Variants in EPHA6 observed in about 807,000 individuals in gnomAD.
EPHA6 encodes the protein EPH receptor A6, also known as ephrin type-A receptor 6.
In EPHA6, 50 loss-of-function variants were observed where a neutral mutation model predicts 112.0. The observed-to-expected ratio is 0.45, with a 90% CI of 0.36 to 0.56. The LOEUF (loss-of-function observed/expected upper bound fraction) is 0.56, where lower values mean the gene tolerates loss of function less well. EPHA6 is among the 20% of genes least tolerant of loss of function. EPHA6 has a pLI of 0.00. For missense variants in EPHA6, 1,280 were observed against 1,417.4 expected (o/e 0.90, Z 1.56); for synonymous variants, 529 against 490.7 (o/e 1.08, Z -1.03).
chr3:97,728,118 A>G (rs975355806), intron 15 of EPHA6, among the ~76,000 whole-genome samples: 20 of 152,102 alleles, frequency 1.3e-4, no homozygotes, highest in African/African-American at 3.9e-4. Context: ...CTTTACAAAG[A>G]GAGCATTTTC....
At chr3:97,531,515 A>G (rs2107646920) in intron 10 of EPHA6, among the ~76,000 whole-genome samples, 1 of 152,126 alleles carries the variant, frequency 6.6e-6, no homozygotes, top group African/African-American at 2.4e-5. Flanking sequence ...AAGGTCTAGC[A>G]TAAGTTTCAT....
chr3:97,326,901 C>G (rs2082455476), intron 5 of EPHA6, among the ~76,000 whole-genome samples: 1 of 152,068 alleles, frequency 6.6e-6, no homozygotes, highest in South Asian at 2.1e-4. Context: ...CACTGATGCT[C>G]CTGAGCACAA....
chr3:97,440,712 ATAAAT>A (rs1329606660), intron 6 of EPHA6, among the ~76,000 whole-genome samples: 5 of 151,722 alleles, frequency 3.3e-5, no homozygotes, highest in Admixed American at 3.3e-4. Flanking sequence ...ATGCAGAAAA[ATAAAT>A]TAGAAGGAAT....
chr3:97,588,848 G>T lies in EPHA6; in HGVS notation c.2387-3764G>T, dbSNP rs78223823. Among the ~76,000 whole-genome samples, 109 of 152,182 alleles carry T rather than the reference G, an allele frequency of 7.2e-4. 1 individual carries two copies. The East Asian group carries it at 0.016, about 22-fold the overall frequency. ...GACAATTTGCCTTCAGAGCTGATTT[G>T]TTAAGCACATGTGAAAATTTCTTTC... is the stretch of plus-strand genomic sequence containing the variant. On this transcript the variant is annotated intron_variant, in intron 11 of 17. Coordinates refer to ENST00000389672, the MANE Select transcript of EPHA6 (RefSeq NM_001080448.3).
At chr3:96,970,137 C>G (rs1417922203) in intron 2 of EPHA6, among the ~76,000 whole-genome samples, 1 of 151,752 alleles carries the variant, frequency 6.6e-6, no homozygotes, top group Non-Finnish European at 1.5e-5. Flanking sequence ...TTAAAGGATA[C>G]TTCCTAAGCA....
intron 2 of EPHA6, among the ~76,000 whole-genome samples, chr3:96,928,439 A>T (rs1305721378): frequency 2.0e-5 from 3 of 152,150 alleles, no homozygotes; most frequent in Non-Finnish European, 4.4e-5. Flanking sequence ...GTTTTGAGTG[A>T]GTTTAATCTT....
intron 11 of EPHA6, among the ~76,000 whole-genome samples, chr3:97,539,024 T>TTTCC (rs1221598525): frequency 6.6e-6 from 1 of 151,084 alleles, no homozygotes; most frequent in African/African-American, 2.5e-5. Context: ...TCTTTCTTTC[T>TTTCC]TTCTTTCTTT....
chr3:97,371,511 A>G (rs1439118658), intron 5 of EPHA6, among the ~76,000 whole-genome samples: 6 of 152,140 alleles, frequency 3.9e-5, no homozygotes, highest in East Asian at 1.9e-4. Flanking sequence ...CTTTACTTTA[A>G]TCTCTTAATC....
At chr3:97,366,063 C>G (rs932767299) in intron 5 of EPHA6, among the ~76,000 whole-genome samples, 2 of 152,172 alleles carry the variant, frequency 1.3e-5, no homozygotes, top group Admixed American at 6.5e-5. Flanking sequence ...ATTAAGCAGA[C>G]TATCTCTATA....
At chr3:97,240,180 A>G (rs760696486) in intron 4 of EPHA6, among the ~76,000 whole-genome samples, 24 of 151,866 alleles carry the variant, frequency 1.6e-4, no homozygotes, top group Non-Finnish European at 3.4e-4. Flanking sequence ...ATTGATACGT[A>G]TGTATCAATA....
intron 5 of EPHA6, among the ~76,000 whole-genome samples, chr3:97,404,237 G>C (rs2087182401): frequency 6.6e-6 from 1 of 152,100 alleles, no homozygotes; most frequent in African/African-American, 2.4e-5. Context: ...CCCTTCATAA[G>C]AGTTGTATCA....
chr3:97,454,973 AAGTAATCTCC>A (rs1192853948), intron 7 of EPHA6, among the ~76,000 whole-genome samples: 1 of 152,000 alleles, frequency 6.6e-6, no homozygotes, highest in Non-Finnish European at 1.5e-5. Flanking sequence ...CTTTAATTTA[AAGTAATCTCC>A]AGTCAATAGC....
At chr3:97,016,042 A>G (rs1350492930) in intron 3 of EPHA6, among the ~76,000 whole-genome samples, 8 of 136,362 alleles carry the variant, frequency 5.9e-5, no homozygotes, top group Middle Eastern at 3.7e-3. Context: ...TTCTTCCTGA[A>G]AAAAAAAAAA....
chr3:97,292,576 A>T (rs1270994147), intron 5 of EPHA6, among the ~76,000 whole-genome samples: 4 of 152,164 alleles, frequency 2.6e-5, no homozygotes, highest in African/African-American at 9.6e-5. Context: ...GGATAGGTGG[A>T]TAGCTTCTTT....
intron 15 of EPHA6, among the ~76,000 whole-genome samples, chr3:97,732,103 C>T (rs1483490103): frequency 6.6e-6 from 1 of 151,790 alleles, no homozygotes; most frequent in Non-Finnish European, 1.5e-5. Context: ...AATCCTTTTC[C>T]CCTTTGCATA....
intron 14 of EPHA6, among the ~76,000 whole-genome samples, chr3:97,651,002 CGATTTTGTCCTAAGATAACATTTGCTATA>C (rs1310114154): frequency 6.6e-6 from 1 of 151,870 alleles, no homozygotes; most frequent in East Asian, 1.9e-4. Flanking sequence ...TATTTTGTTT[CGATTTTGTCCTAAGATAACATTTGCTATA>C]GATTTGTGGC....
At chr3:97,331,299 A>C (rs2108822415) in intron 5 of EPHA6, among the ~76,000 whole-genome samples, 1 of 152,304 alleles carries the variant, frequency 6.6e-6, no homozygotes, top group East Asian at 1.9e-4. Context: ...GAAAGCAGGA[A>C]AGATCTGAAA....
intron 2 of EPHA6, among the ~76,000 whole-genome samples, chr3:96,909,269 A>G (rs1244581304): frequency 6.6e-6 from 1 of 151,946 alleles, no homozygotes; most frequent in African/African-American, 2.4e-5. Flanking sequence ...TAGATAAGTA[A>G]GCAAACAACA....
chr3:97,682,259 T>G (rs905899518), intron 14 of EPHA6, among the ~76,000 whole-genome samples: 4 of 152,124 alleles, frequency 2.6e-5, no homozygotes, highest in Non-Finnish European at 5.9e-5. Context: ...AAGTGAATGA[T>G]GTGATGAAAA....
Sources: allele counts gnomAD v4.1 joint callset (sites outside exome capture counted in the v4.1 genomes callset), GRCh38; gene constraint gnomAD v4.1.1; transcripts MANE v1.5; gene names NCBI Gene and HGNC (gene_info 2026-07-23, HGNC 2026-07-21).